Variants in SHISA6 observed in about 807,000 individuals in gnomAD.
The protein encoded by SHISA6 is protein shisa-6.
Under a neutral mutation model 47.9 loss-of-function variants are expected in SHISA6, and 22 were observed. The ratio of observed to expected loss-of-function variants is 0.46; its 90% CI spans 0.33 to 0.66. The LOEUF is 0.66. Among genes scored for constraint, SHISA6 ranks in the 30% least tolerant of loss-of-function variants. The pLI, the probability that SHISA6 is intolerant of heterozygous loss-of-function variation, is 0.02. For synonymous variants in SHISA6, 388 were observed against 337.8 expected (o/e 1.15, Z -1.63); for missense variants, 680 against 764.6 (o/e 0.89, Z 1.30).
intron 3 of SHISA6, among the ~76,000 whole-genome samples, chr17:11,451,145 C>CA (rs144981487): frequency 0.022 from 3,408 of 152,128 alleles, 147 homozygotes; most frequent in African/African-American, 0.077. Context: ...ACCAGTTCCC[C>CA]ACTCCCACTC....
intron 2 of SHISA6, among the ~76,000 whole-genome samples, chr17:11,377,365 C>T (rs1022294789): frequency 4.6e-5 from 7 of 152,138 alleles, no homozygotes; most frequent in African/African-American, 1.7e-4. Flanking sequence ...AAGGAGGTAA[C>T]TTATTCCAGA....
At chr17:11,275,603 A>G (rs1398871650) in intron 2 of SHISA6, among the ~76,000 whole-genome samples, 8 of 152,218 alleles carry the variant, frequency 5.3e-5, no homozygotes, top group Non-Finnish European at 7.3e-5. Flanking sequence ...TTGAAGAGAA[A>G]GAGAGCAGGA....
At chr17:11,404,145 C>T (rs180895286) in intron 3 of SHISA6, among the ~76,000 whole-genome samples, 7 of 152,318 alleles carry the variant, frequency 4.6e-5, no homozygotes, top group Admixed American at 2.6e-4. Context: ...AGTAAAAGCT[C>T]GTGATGCAGG....
chr17:11,524,960 A>C (rs2071663380), intron 3 of SHISA6, among the ~76,000 whole-genome samples: 1 of 150,660 alleles, frequency 6.6e-6, no homozygotes, highest in South Asian at 2.1e-4. Flanking sequence ...CCCTGAGATG[A>C]CGGGGGGGTA....
At chr17:11,402,369 T>C (rs79646487) in intron 3 of SHISA6, among the ~76,000 whole-genome samples, 2,810 of 152,330 alleles carry the variant, frequency 0.018, 92 homozygotes, top group African/African-American at 0.053. Flanking sequence ...AGGTTTCTTA[T>C]TTGATTCCAT....
At chr17:11,507,032 G>C (rs764647341) in intron 3 of SHISA6, among the ~76,000 whole-genome samples, 1 of 152,096 alleles carries the variant, frequency 6.6e-6, no homozygotes, top group South Asian at 2.1e-4. Flanking sequence ...GGAGGTTTAA[G>C]TCTTCACCCT....
At chr17:11,453,718 G>T (rs763234492) in intron 3 of SHISA6, among the ~76,000 whole-genome samples, 1 of 152,064 alleles carries the variant, frequency 6.6e-6, no homozygotes, top group Non-Finnish European at 1.5e-5. Flanking sequence ...AAAACTACTC[G>T]ACAAAAACGG....
intron 3 of SHISA6, among the ~76,000 whole-genome samples, chr17:11,399,019 C>T (rs1404817054): frequency 6.6e-6 from 1 of 151,844 alleles, no homozygotes; most frequent in Non-Finnish European, 1.5e-5. Flanking sequence ...GGAAAGATCA[C>T]TTGCTGTATA....
At chr17:11,437,178 A>T (rs1304202155) in intron 3 of SHISA6, among the ~76,000 whole-genome samples, 1 of 152,168 alleles carries the variant, frequency 6.6e-6, no homozygotes, top group South Asian at 2.1e-4. Context: ...ATGAGCCGTG[A>T]CCTCTGGAAA....
At chr17:11,377,039 A>G (rs906471523) in intron 2 of SHISA6, among the ~76,000 whole-genome samples, 1 of 152,212 alleles carries the variant, frequency 6.6e-6, no homozygotes, top group African/African-American at 2.4e-5. Context: ...TGGCTTTGAA[A>G]AACATAAAAG....
chr17:11,552,738 T>A (rs1300605800), intron 4 of SHISA6, among the ~76,000 whole-genome samples: 2 of 152,202 alleles, frequency 1.3e-5, no homozygotes, highest in Non-Finnish European at 2.9e-5. Context: ...GCCTCAGCAC[T>A]GAAGTTGAGG....
chr17:11,498,571 A>G (rs544263027), intron 3 of SHISA6, among the ~76,000 whole-genome samples: 1 of 152,348 alleles, frequency 6.6e-6, no homozygotes, highest in African/African-American at 2.4e-5. Flanking sequence ...GGACATCCCA[A>G]TTGCCCTGGT....
At chr17:11,363,091 C>T (rs1015700941) in intron 2 of SHISA6, among the ~76,000 whole-genome samples, 2 of 152,180 alleles carry the variant, frequency 1.3e-5, no homozygotes, top group Non-Finnish European at 2.9e-5. Context: ...TCAGAAACTA[C>T]AGCTTTATTA....
At chr17:11,260,090 T>C (rs1908170365) in intron 1 of SHISA6, among the ~76,000 whole-genome samples, 1 of 152,134 alleles carries the variant, frequency 6.6e-6, no homozygotes, top group Non-Finnish European at 1.5e-5. Flanking sequence ...GCTATTAAGG[T>C]GATTAATACA....
intron 3 of SHISA6, among the ~76,000 whole-genome samples, chr17:11,500,731 G>T (rs1260924950): frequency 6.6e-6 from 1 of 152,192 alleles, no homozygotes; most frequent in East Asian, 1.9e-4. Flanking sequence ...AGTTGCATCA[G>T]CCACATTTTG....
At chr17:11,497,592 C>T (rs1165803404) in intron 3 of SHISA6, among the ~76,000 whole-genome samples, 1 of 152,228 alleles carries the variant, frequency 6.6e-6, no homozygotes, top group African/African-American at 2.4e-5. Context: ...CAATCATACC[C>T]TAGCAAACAT....
rs1424310410 is a variant in SHISA6 at position 11,248,363 on chromosome 17, G to A, written c.638+6303G>A. ...TCTCGTTACCTAGTTTTACAAGTGA[G>A]GCAACTGAAATTCAGAGAGGCTAGG... On this transcript the variant is annotated intron_variant, in intron 1 of 5. Coordinates refer to ENST00000441885, the MANE Select transcript of SHISA6 (RefSeq NM_207386.4). Among the ~76,000 whole-genome samples the A allele has an allele frequency of 2.6e-5, 4 of 152,164 alleles. No individual in the cohort carries two copies. The East Asian group carries it at 7.7e-4, about 29-fold the overall frequency.
At chr17:11,244,306 C>A (rs1907491238) in intron 1 of SHISA6, among the ~76,000 whole-genome samples, 2 of 152,146 alleles carry the variant, frequency 1.3e-5, no homozygotes, top group South Asian at 4.1e-4. Context: ...CATATCCGTG[C>A]CTGTTGGGTA....
chr17:11,302,097 T>C (rs931933486), intron 2 of SHISA6, among the ~76,000 whole-genome samples: 10 of 152,184 alleles, frequency 6.6e-5, no homozygotes, highest in African/African-American at 2.4e-4. Flanking sequence ...GCCCCCATGA[T>C]TCAGTTACCT....
Sources: gnomAD v4.1 joint callset for allele counts (sites outside exome capture counted in the v4.1 genomes callset) on GRCh38, gnomAD v4.1.1 for gene constraint, MANE v1.5 for transcripts, NCBI Gene and HGNC (gene_info 2026-07-23, HGNC 2026-07-21) for gene names.